The following SLC25A13 variants were observed in gnomAD, a reference collection of about 807,000 sequenced individuals.
The protein encoded by SLC25A13 is electrogenic aspartate/glutamate antiporter SLC25A13, mitochondrial.
In SLC25A13, 70 loss-of-function variants were observed where a neutral mutation model predicts 85.5. The observed-to-expected ratio is 0.82, with a 90% CI of 0.68 to 1.00. The LOEUF (loss-of-function observed/expected upper bound fraction) is 1.00, where lower values mean the gene tolerates loss of function less well. Among genes scored for constraint, SLC25A13 ranks in the 50% least tolerant of loss-of-function variants. The probability of loss-of-function intolerance (pLI) is 0.00; values close to 1 mark genes in which losing one functional copy is unlikely to be tolerated. For missense variants in SLC25A13, 765 were observed against 819.8 expected, an observed-to-expected ratio of 0.93 and a Z score of 0.82; for synonymous variants, 259 against 288.7, an observed-to-expected ratio of 0.90 and a Z score of 1.04.
At chr7:96,224,209 T>A (rs1274889102) in intron 4 of SLC25A13, among the ~76,000 whole-genome samples, 1 of 152,136 alleles carries the variant, frequency 6.6e-6, no homozygotes, top group Non-Finnish European at 1.5e-5. Context: ...ATAGATACTG[T>A]GAAGCCTAAA....
rs1798771006 is a variant in SLC25A13 at position 96,283,685 on chromosome 7, A to G, written c.70-6347T>C. ...AGATAGCTTCCTGAAATGCATGAAGAAAAATGATCAGAAAAAGAAGGTGTA... is the reference window on the plus strand; with the variant it reads ...AGATAGCTTCCTGAAATGCATGAAGGAAAATGATCAGAAAAAGAAGGTGTA... On this transcript the variant is annotated intron_variant, in intron 2 of 17. Transcript: ENST00000265631. 3.4e-5 allele frequency: 10 copies of G among 291,578 alleles called. 1 individual carries two copies. Among genetic ancestry groups the G allele is most frequent in the South Asian group, 2.9e-4 (8 of 28,010 alleles). The allele number at this position is 291,578 out of a possible 1,614,324, so 18.1% of individuals were successfully genotyped here. A position where few individuals can be genotyped will look rare whatever the true frequency, so the allele number is the denominator to read the frequency against.
intron 5 of SLC25A13, among the ~76,000 whole-genome samples, chr7:96,193,996 A>C (rs1562832415): frequency 6.6e-6 from 1 of 152,216 alleles, no homozygotes; most frequent in Non-Finnish European, 1.5e-5. Flanking sequence ...TGTACACAAA[A>C]GAAAACAGCC....
intron 14 of SLC25A13, 131 bp from the exon 15 acceptor site, chr7:96,132,012 G>C (rs1427817130): frequency 6.9e-6 from 8 of 1,159,370 alleles, no homozygotes; most frequent in African/African-American, 3.1e-5. Flanking sequence ...CATTGAAAGG[G>C]GAACAGAAAA....
At chr7:96,228,043 T>C (rs959693944) in intron 4 of SLC25A13, among the ~76,000 whole-genome samples, 1 of 152,116 alleles carries the variant, frequency 6.6e-6, no homozygotes, top group Non-Finnish European at 1.5e-5. Context: ...TTTGTATTTT[T>C]ACTAAAGACA....
intron 2 of SLC25A13, among the ~76,000 whole-genome samples, chr7:96,294,779 G>C (rs1389621682): frequency 6.6e-6 from 1 of 152,122 alleles, no homozygotes; most frequent in Non-Finnish European, 1.5e-5. Context: ...CTAGGCTCAA[G>C]CCATCCTCCT....
chr7:96,177,071 G>A (rs1390960740), intron 11 of SLC25A13, among the ~76,000 whole-genome samples: 1 of 152,166 alleles, frequency 6.6e-6, no homozygotes, highest in African/African-American at 2.4e-5. Context: ...CATATGTTAT[G>A]TATTCCAAAA....
intron 2 of SLC25A13, among the ~76,000 whole-genome samples, chr7:96,292,209 G>A (rs1005550318): frequency 5.3e-5 from 8 of 152,128 alleles, no homozygotes; most frequent in African/African-American, 1.7e-4. Flanking sequence ...TGCAGAAAAG[G>A]CCTTTGATAA....
chr7:96,201,817 C>T (rs969313162), intron 5 of SLC25A13, among the ~76,000 whole-genome samples: 1 of 152,096 alleles, frequency 6.6e-6, no homozygotes, highest in East Asian at 1.9e-4. Context: ...TTGTTTTTAA[C>T]ACCTATAGCC....
intron 13 of SLC25A13, among the ~76,000 whole-genome samples, chr7:96,149,146 A>G (rs1033569539): frequency 6.6e-6 from 1 of 152,220 alleles, no homozygotes; most frequent in African/African-American, 2.4e-5. Context: ...CCTGCACTAC[A>G]CCATCTGCAC....
At chr7:96,306,122 G>A (rs181466186) in intron 1 of SLC25A13, among the ~76,000 whole-genome samples, 2 of 152,218 alleles carry the variant, frequency 1.3e-5, no homozygotes, top group Non-Finnish European at 2.9e-5. Context: ...GAGAGGTTGA[G>A]TAACTTCCCC....
At chr7:96,280,893 A>C (rs568769473) in intron 2 of SLC25A13, among the ~76,000 whole-genome samples, 1 of 152,222 alleles carries the variant, frequency 6.6e-6, no homozygotes, top group Non-Finnish European at 1.5e-5. Flanking sequence ...ATAGCTGAAC[A>C]TACAACCACA....
intron 5 of SLC25A13, among the ~76,000 whole-genome samples, chr7:96,197,819 T>A (rs186180640): frequency 1.9e-4 from 29 of 152,280 alleles, no homozygotes; most frequent in African/African-American, 6.5e-4. Context: ...ATATGGGCAG[T>A]AATCATTACA....
intron 7 of SLC25A13, among the ~76,000 whole-genome samples, chr7:96,190,344 G>C (rs1178294802): frequency 6.6e-6 from 1 of 151,912 alleles, no homozygotes; most frequent in East Asian, 1.9e-4. Flanking sequence ...GCCCGCCTCG[G>C]CCTCCCAAAG....
chr7:96,261,390 G>C (rs1797846677), intron 3 of SLC25A13, among the ~76,000 whole-genome samples: 1 of 152,214 alleles, frequency 6.6e-6, no homozygotes, highest in Middle Eastern at 3.4e-3. Flanking sequence ...TATTTTTCAA[G>C]TATCAAGGTT....
At chr7:96,237,755 GAGGCCA>G (rs1172038107) in intron 3 of SLC25A13, among the ~76,000 whole-genome samples, 2 of 152,152 alleles carry the variant, frequency 1.3e-5, no homozygotes, top group African/African-American at 4.8e-5. Context: ...CTGGATGTTG[GAGGCCA>G]AGGCCAAGGA....
chr7:96,270,438 C>A (rs111610075), intron 3 of SLC25A13, among the ~76,000 whole-genome samples: 3,479 of 152,038 alleles, frequency 0.023, 91 homozygotes, highest in African/African-American at 0.065. Flanking sequence ...CCCCTGTAAT[C>A]CCAGCTACTC....
In SLC25A13 at chr7:96,120,961, GCAAA is replaced by G; in HGVS notation, c.*226_*229del. The stretch of plus-strand genomic sequence containing the variant: ...GACCAAATCCCATCAATTTTCAGAT[GCAAA>G]CAAAGGTTTCTGGGCAGAGGGCCAA... On this transcript the variant is annotated 3_prime_UTR_variant, in exon 18 of 18. Transcript: ENST00000265631. 1.5e-6 allele frequency: 1 copy of G among 646,076 alleles called. No homozygotes were observed. Among genetic ancestry groups the G allele is most frequent in the Non-Finnish European group, 2.8e-6 (1 of 354,290 alleles). 40.0% of individuals were successfully genotyped at this position (646,076 alleles called of 1,614,324 possible).
chr7:96,172,953 T>C (rs924296643), intron 11 of SLC25A13, among the ~76,000 whole-genome samples: 1 of 152,070 alleles, frequency 6.6e-6, no homozygotes, highest in Admixed American at 6.5e-5. Flanking sequence ...AGAGATGGGG[T>C]TTCACCATGT....
chr7:96,209,756 A>G (rs1256739065), intron 4 of SLC25A13, among the ~76,000 whole-genome samples: 1 of 152,220 alleles, frequency 6.6e-6, no homozygotes, highest in Non-Finnish European at 1.5e-5. Context: ...AGAAAAAAAC[A>G]TGAAAAACCT....
Sources: allele counts gnomAD v4.1 joint callset (sites outside exome capture counted in the v4.1 genomes callset), GRCh38; gene constraint gnomAD v4.1.1; transcripts MANE v1.5; gene names NCBI Gene and HGNC (gene_info 2026-07-23, HGNC 2026-07-21).